LRRC7: variants seen among roughly 807,000 people sequenced by gnomAD.
LRRC7 encodes the protein leucine rich repeat containing 7.
Under a neutral mutation model 175.7 loss-of-function variants are expected in LRRC7, and 23 were observed. The ratio of observed to expected loss-of-function variants is 0.13; its 90% confidence interval spans 0.09 to 0.19. The LOEUF (loss-of-function observed/expected upper bound fraction) is 0.19. LRRC7 is among the 10% of genes least tolerant of loss of function. The pLI, the probability that LRRC7 is intolerant of heterozygous loss-of-function variation, is 1.00. For synonymous variants in LRRC7, 685 were observed against 680.9 expected (o/e 1.01, Z -0.09); for missense variants, 1,354 against 1,904.7 (o/e 0.71, Z 5.38).
At chr1:69,864,740 A>T (rs1391122207) in intron 7 of LRRC7, among the ~76,000 whole-genome samples, 1 of 152,204 alleles carries the variant, frequency 6.6e-6, no homozygotes, top group Non-Finnish European at 1.5e-5. Flanking sequence ...CTGAAGAAGA[A>T]AATTCATGGT....
chr1:69,876,276 C>G (rs957200140), intron 7 of LRRC7, among the ~76,000 whole-genome samples: 1 of 152,006 alleles, frequency 6.6e-6, no homozygotes, highest in African/African-American at 2.4e-5. Flanking sequence ...TTTCTTGAGC[C>G]AAAACTGGCA....
At chr1:69,983,207 T>A (rs1434143923) in intron 9 of LRRC7, among the ~76,000 whole-genome samples, 1 of 152,192 alleles carries the variant, frequency 6.6e-6, no homozygotes, top group East Asian at 1.9e-4. Context: ...AAACTCTGAC[T>A]CATCCAAAGT....
chr1:69,957,210 A>C (rs901109925), intron 8 of LRRC7, among the ~76,000 whole-genome samples: 4 of 151,874 alleles, frequency 2.6e-5, no homozygotes, highest in Admixed American at 1.3e-4. Flanking sequence ...AGACAGGATA[A>C]CTTTGGAACT....
At chr1:70,069,329 T>G (rs1244774250) in intron 23 of LRRC7, among the ~76,000 whole-genome samples, 2 of 152,114 alleles carry the variant, frequency 1.3e-5, no homozygotes, top group East Asian at 3.9e-4. Flanking sequence ...TGCCAGATGC[T>G]TATAAACCCA....
intron 2 of LRRC7, among the ~76,000 whole-genome samples, chr1:69,708,423 A>G (rs1437416311): frequency 6.6e-6 from 1 of 152,116 alleles, no homozygotes; most frequent in African/African-American, 2.4e-5. Context: ...CTTAAAATAT[A>G]CCACATACCT....
intron 21 of LRRC7, among the ~76,000 whole-genome samples, chr1:70,043,638 C>T (rs6690627): frequency 0.13 from 19,480 of 152,142 alleles, 1,714 homozygotes; most frequent in African/African-American, 0.24. Flanking sequence ...CTACCACAGA[C>T]GAATAATACT....
At chr1:69,573,248 G>A (rs1645809395) in intron 1 of LRRC7, among the ~76,000 whole-genome samples, 2 of 152,086 alleles carry the variant, frequency 1.3e-5, no homozygotes, top group South Asian at 2.1e-4. Context: ...CCCAGATTTG[G>A]CCCCTGTTCA....
chr1:69,996,566 G>C (rs1183624557), intron 11 of LRRC7, among the ~76,000 whole-genome samples: 3 of 151,090 alleles, frequency 2.0e-5, no homozygotes, highest in Non-Finnish European at 4.4e-5. Context: ...ATCTTGAATT[G>C]ATTTTTGTAT....
At chr1:69,863,295 A>G (rs6681070) in intron 7 of LRRC7, among the ~76,000 whole-genome samples, 57,087 of 152,030 alleles carry the variant, frequency 0.38, 12,727 homozygotes, top group East Asian at 0.55. Flanking sequence ...TTCCAACCCC[A>G]GGCACCTTCC....
At chr1:69,732,431 G>A (rs1667678817) in intron 2 of LRRC7, among the ~76,000 whole-genome samples, 1 of 151,900 alleles carries the variant, frequency 6.6e-6, no homozygotes, top group Admixed American at 6.6e-5. Flanking sequence ...CTCTGGTCAG[G>A]TTTTAAAAAA....
intron 1 of LRRC7, among the ~76,000 whole-genome samples, chr1:69,572,916 T>C (rs185172551): frequency 6.6e-6 from 1 of 152,204 alleles, no homozygotes; most frequent in East Asian, 1.9e-4. Flanking sequence ...AGTATAATTA[T>C]GTATATTATA....
At chr1:69,621,493 A>G (rs1344040032) in intron 1 of LRRC7, among the ~76,000 whole-genome samples, 1 of 152,156 alleles carries the variant, frequency 6.6e-6, no homozygotes, top group African/African-American at 2.4e-5. Context: ...AATTTACATC[A>G]TGTTCTTGAC....
intron 23 of LRRC7, among the ~76,000 whole-genome samples, chr1:70,056,986 A>G (rs536116659): frequency 1.3e-5 from 2 of 151,832 alleles, no homozygotes; most frequent in Admixed American, 1.3e-4. Context: ...AGCAAAAGCA[A>G]TTTGCTTAAA....
intron 2 of LRRC7, among the ~76,000 whole-genome samples, chr1:69,682,920 C>G (rs999170936): frequency 6.6e-6 from 1 of 151,946 alleles, no homozygotes; most frequent in Non-Finnish European, 1.5e-5. Flanking sequence ...TTTTTTGTCC[C>G]AAATATACTT....
intron 23 of LRRC7, among the ~76,000 whole-genome samples, chr1:70,058,958 A>C (rs1318172994): frequency 7.8e-6 from 1 of 128,322 alleles, no homozygotes; most frequent in African/African-American, 3.0e-5. Context: ...TAAAATGTTA[A>C]ATTAAAGGAT....
chr1:69,826,695 G>C (rs1210225264), intron 5 of LRRC7, among the ~76,000 whole-genome samples: 1 of 152,144 alleles, frequency 6.6e-6, no homozygotes, highest in East Asian at 1.9e-4. Flanking sequence ...AGTAGGATTT[G>C]AGAAAAATTC....
intron 4 of LRRC7, among the ~76,000 whole-genome samples, chr1:69,797,844 G>A (rs77481997): frequency 1.2e-3 from 180 of 152,162 alleles, no homozygotes; most frequent in East Asian, 8.1e-3. Context: ...AAAAGTACCC[G>A]CAATTGACCT....
At chr1:69,987,958 G>A (rs1654089038) in intron 10 of LRRC7, among the ~76,000 whole-genome samples, 1 of 152,072 alleles carries the variant, frequency 6.6e-6, no homozygotes, top group Admixed American at 6.6e-5. Context: ...AATGTGACAA[G>A]CCCCTTGATC....
chr1:70,128,028 C>A lies in LRRC7; in HGVS notation c.*6141C>A, dbSNP rs1200393992. Among the ~76,000 whole-genome samples the A allele has an allele frequency of 1.3e-5, 2 of 152,098 alleles. No homozygotes were observed. ...CCAGGCTGGAGTGCAGTAGCGCTAT[C>A]TTGGCTCACTGTAACTTCCACCTCC... On this transcript the variant is annotated 3_prime_UTR_variant, in exon 27 of 27. Transcript: ENST00000651989.
Sources: gnomAD v4.1 joint callset for allele counts (sites outside exome capture counted in the v4.1 genomes callset) on GRCh38, gnomAD v4.1.1 for gene constraint, MANE v1.5 for transcripts, NCBI Gene and HGNC (gene_info 2026-07-23, HGNC 2026-07-21) for gene names.